RERE: variants seen among roughly 807,000 people sequenced by gnomAD.
RERE encodes the protein arginine-glutamic acid dipeptide repeats.
In RERE, 40 loss-of-function variants were observed where a neutral mutation model predicts 146.1. That is an observed-to-expected ratio of 0.27 (90% CI 0.21 to 0.36). RERE has a LOEUF of 0.36. RERE is among the 10% of genes least tolerant of loss of function. The pLI is 1.00. For synonymous variants in RERE, 1,003 were observed against 866.0 expected, an observed-to-expected ratio of 1.16 and a Z score of -2.78; for missense variants, 1,933 against 2,138.7, an observed-to-expected ratio of 0.90 and a Z score of 1.90.
In RERE at chr1:8,635,967, C is replaced by T. The variant is rs534516804; in HGVS notation, c.326-11587G>A. On this transcript the variant is annotated intron_variant, in intron 2 of 22. Transcript: ENST00000400908. The stretch of plus-strand genomic sequence containing the variant: ...TTTATTTTATCTTATCTTATCTTAT[C>T]TTATCTTATCTTATTTTATTTTATT... 8.0e-3 allele frequency among the ~76,000 whole-genome samples: 1,165 copies of T among 146,414 alleles called. 13 individuals carry two copies. Among genetic ancestry groups the T allele is most frequent in the African/African-American group, 0.029 (1,111 of 38,850 alleles).
At chr1:8,502,893 GCT>G (rs1223519754) in intron 8 of RERE, among the ~76,000 whole-genome samples, 2 of 150,990 alleles carry the variant, frequency 1.3e-5, no homozygotes, top group East Asian at 3.9e-4. Context: ...AAGGCAGCGT[GCT>G]CGTTAAGAGT....
At chr1:8,668,160 A>G (rs977270273) in intron 1 of RERE, among the ~76,000 whole-genome samples, 1 of 152,280 alleles carries the variant, frequency 6.6e-6, no homozygotes. Flanking sequence ...CTAATATGCA[A>G]TCCATAAAAC....
At chr1:8,415,257 A>C (rs928676898) in intron 12 of RERE, among the ~76,000 whole-genome samples, 1 of 152,210 alleles carries the variant, frequency 6.6e-6, no homozygotes, top group Admixed American at 6.5e-5. Context: ...GACCAATTCA[A>C]ACCTTCCATT....
intron 1 of RERE, among the ~76,000 whole-genome samples, chr1:8,699,984 G>C (rs896187031): frequency 6.6e-6 from 1 of 152,112 alleles, no homozygotes; most frequent in Non-Finnish European, 1.5e-5. Flanking sequence ...AATCAAGTTT[G>C]TTTCTACGAC....
chr1:8,500,693 T>C lies in RERE; in HGVS notation c.880-3164A>G, dbSNP rs1214779523. Among the ~76,000 whole-genome samples, 5 of 150,098 alleles carry C rather than the reference T, an allele frequency of 3.3e-5. No homozygotes were observed. In the South Asian group the frequency reaches 1.1e-3, roughly 32 times the overall value. ...CCCATCGTCTGGGATATGAGGAGCC[T>C]CTCTGCCTGGCTGCCCAGTCTGGAA... On this transcript the variant is annotated intron_variant, in intron 8 of 22. Transcript: ENST00000400908.
At chr1:8,493,988 A>G (rs1055166019) in intron 10 of RERE, among the ~76,000 whole-genome samples, 1 of 152,208 alleles carries the variant, frequency 6.6e-6, no homozygotes, top group African/African-American at 2.4e-5. Context: ...GCCAAAACAA[A>G]TAAAAACAAC....
chr1:8,639,786 ATT>A (rs1245284688), intron 2 of RERE, among the ~76,000 whole-genome samples: 1 of 152,232 alleles, frequency 6.6e-6, no homozygotes, highest in Non-Finnish European at 1.5e-5. Context: ...AAAAATTATA[ATT>A]ATACACAGTA....
intron 7 of RERE, among the ~76,000 whole-genome samples, chr1:8,516,841 G>A (rs925180668): frequency 6.6e-6 from 1 of 152,192 alleles, no homozygotes; most frequent in Admixed American, 6.5e-5. Context: ...CATGATGAAA[G>A]AGAAAAACCT....
At chr1:8,649,980 G>T (rs926451141) in intron 2 of RERE, among the ~76,000 whole-genome samples, 2 of 152,062 alleles carry the variant, frequency 1.3e-5, no homozygotes, top group Non-Finnish European at 2.9e-5. Flanking sequence ...AGTGACACTG[G>T]GGTGGCAGAG....
chr1:8,597,786 T>G (rs1261812299), intron 4 of RERE, among the ~76,000 whole-genome samples: 1 of 4,038 alleles, frequency 2.5e-4, no homozygotes, highest in African/African-American at 2.0e-3. Context: ...TTTCACTGGA[T>G]TTTTTTTTTT....
rs1280973697 is a variant in RERE, at chr1:8,352,714, G to A, written c.*2373C>T. ...GAGGAAAATCCGAAGGAAACCGAGTGGTTGGGCTTCAAAGACACCATGAAG... is the reference window on the plus strand; with the variant it reads ...GAGGAAAATCCGAAGGAAACCGAGTAGTTGGGCTTCAAAGACACCATGAAG... On this transcript the variant is annotated 3_prime_UTR_variant, in exon 23 of 23. Coordinates refer to ENST00000400908, the MANE Select transcript of RERE (RefSeq NM_001042681.2). The A allele has an allele frequency of 6.6e-6, 1 of 152,300 alleles. No homozygotes were observed. Among genetic ancestry groups the A allele is most frequent in the Admixed American group, 6.5e-5 (1 of 15,276 alleles). The allele number at this position is 152,300 out of a possible 1,614,324, so 9.4% of individuals were successfully genotyped here. A position where few individuals can be genotyped will look rare whatever the true frequency, so the allele number is the denominator to read the frequency against.
At chr1:8,415,325 T>G (rs144754886) in intron 12 of RERE, among the ~76,000 whole-genome samples, 3,084 of 152,300 alleles carry the variant, frequency 0.02, 46 homozygotes, top group Middle Eastern at 0.044. Flanking sequence ...CATAAATGTC[T>G]CCATCTAAAA....
rs150504392 is a variant in RERE, at chr1:8,389,586, G to A, written c.1285-23612C>T. ...AGGTCTTAGGCAAGACCCCCCTACCGCCACACATGCTAACAAAAAACCATG... is the reference window on the plus strand; with the variant it reads ...AGGTCTTAGGCAAGACCCCCCTACCACCACACATGCTAACAAAAAACCATG... On this transcript the variant is annotated intron_variant, in intron 12 of 22. Coordinates refer to ENST00000400908, the MANE Select transcript of RERE (RefSeq NM_001042681.2). Among the ~76,000 whole-genome samples the A allele has an allele frequency of 3.3e-5, 5 of 152,136 alleles. No individual in the cohort carries two copies. The East Asian group carries it at 5.8e-4, about 18-fold the overall frequency.
At chr1:8,777,278 C>T (rs1428474942) in intron 1 of RERE, among the ~76,000 whole-genome samples, 9 of 136,574 alleles carry the variant, frequency 6.6e-5, no homozygotes, top group Admixed American at 5.6e-4. Flanking sequence ...CTTTGCCCTT[C>T]TAGAAAACAC....
intron 1 of RERE, among the ~76,000 whole-genome samples, chr1:8,698,521 A>G (rs1406179806): frequency 6.6e-6 from 1 of 152,232 alleles, no homozygotes; most frequent in Non-Finnish European, 1.5e-5. Context: ...GAAGCCCACC[A>G]GTCACATATA....
intron 2 of RERE, among the ~76,000 whole-genome samples, chr1:8,655,398 G>A (rs945426155): frequency 2.0e-5 from 3 of 151,940 alleles, no homozygotes; most frequent in African/African-American, 7.3e-5. Context: ...GTAGAGACAG[G>A]GTTTCATCAT....
At chr1:8,593,815 G>A (rs1025075917) in intron 4 of RERE, among the ~76,000 whole-genome samples, 5 of 152,132 alleles carry the variant, frequency 3.3e-5, no homozygotes, top group Non-Finnish European at 4.4e-5. Context: ...GAATAGCACT[G>A]GTCTAGAGCA....
At chr1:8,533,903 T>A (rs1457126434) in intron 7 of RERE, among the ~76,000 whole-genome samples, 8 of 152,256 alleles carry the variant, frequency 5.3e-5, no homozygotes, top group African/African-American at 1.9e-4. Flanking sequence ...AAAAACAGGC[T>A]TTTGTCCTGT....
At chr1:8,457,465 G>A (rs958606406) in intron 11 of RERE, among the ~76,000 whole-genome samples, 1 of 152,182 alleles carries the variant, frequency 6.6e-6, no homozygotes, top group Non-Finnish European at 1.5e-5. Flanking sequence ...TGCATGCAGG[G>A]TGTTAGGAAA....
Sources: gnomAD v4.1 joint callset for allele counts (sites outside exome capture counted in the v4.1 genomes callset) on GRCh38, gnomAD v4.1.1 for gene constraint, MANE v1.5 for transcripts, NCBI Gene and HGNC (gene_info 2026-07-23, HGNC 2026-07-21) for gene names.